The following GBF1 variants were observed in gnomAD, a reference collection of about 807,000 sequenced individuals.
The protein encoded by GBF1 is golgi brefeldin A resistant guanine nucleotide exchange factor 1, also known as Golgi-specific brefeldin A-resistance guanine nucleotide exchange factor 1.
A neutral mutation model predicts 210.5 loss-of-function variants in GBF1; 114 were observed. The ratio of observed to expected loss-of-function variants is 0.54; its 90% CI spans 0.47 to 0.63. The LOEUF (loss-of-function observed/expected upper bound fraction) is 0.63, where lower values mean the gene tolerates loss of function less well. Ranked by LOEUF, GBF1 falls within the 30% of genes least tolerant of loss-of-function variation. The pLI is 0.00. For synonymous variants in GBF1, 850 were observed against 889.2 expected, an observed-to-expected ratio of 0.96 and a Z score of 0.78; for missense variants, 1,851 against 2,357.7, an observed-to-expected ratio of 0.79 and a Z score of 4.45.
At chr10:102,367,340 C>A in intron 20 of GBF1, 130 bp downstream of exon 20, 1 of 1,192,986 alleles carries the variant, frequency 8.4e-7, no homozygotes, top group Non-Finnish European at 1.2e-6. Flanking sequence ...GCTGGCCAAC[C>A]TAGAAAAGGG....
chr10:102,360,942 T>TC (rs2059564202), intron 12 of GBF1, 80 bp from the exon 13 acceptor site: 2 of 756,328 alleles, frequency 2.6e-6, no homozygotes, highest in African/African-American at 1.8e-5. Flanking sequence ...GCCACTGCAC[T>TC]CCAGCGTGGG....
intron 3 of GBF1, among the ~76,000 whole-genome samples, chr10:102,284,571 C>T (rs1413983761): frequency 3.3e-5 from 5 of 152,108 alleles, no homozygotes; most frequent in Non-Finnish European, 7.4e-5. Context: ...TGAGGGTCAT[C>T]CATGCTGTAA....
At chr10:102,266,020 G>A (rs903430388) in intron 3 of GBF1, among the ~76,000 whole-genome samples, 3 of 152,082 alleles carry the variant, frequency 2.0e-5, no homozygotes, top group Non-Finnish European at 4.4e-5. Flanking sequence ...GGCAGATCAC[G>A]AGGTCAGGAG....
intron 17 of GBF1, among the ~76,000 whole-genome samples, chr10:102,364,217 CTTTTTTTT>C (rs1031275118): frequency 7.5e-5 from 5 of 66,948 alleles, no homozygotes; most frequent in African/African-American, 1.7e-4. Context: ...CTTTGGATTT[CTTTTTTTT>C]TTTTTTTTTT....
At chr10:102,376,861 T>C (rs756638488) in intron 32 of GBF1, 61 bp downstream of exon 32, 108 of 1,609,122 alleles carry the variant, frequency 6.7e-5, no homozygotes, top group Non-Finnish European at 9.0e-5. Context: ...GGGGAGAGGC[T>C]GAGAGGGGAG....
intron 8 of GBF1, among the ~76,000 whole-genome samples, chr10:102,357,674 C>T (rs1006710136): frequency 6.6e-6 from 1 of 152,010 alleles, no homozygotes; most frequent in Admixed American, 6.6e-5. Context: ...GCAAAGGAAA[C>T]CCTGCCCTTA....
Position 102,376,605 on chromosome 10 carries a change from C to T in GBF1, c.4093C>T (p.Pro1365Ser), listed in dbSNP as rs2060510328. The T allele has an allele frequency of 1.2e-6, 2 of 1,613,750 alleles. No individual in the cohort carries two copies. The highest frequency in any genetic ancestry group is 1.7e-6 in the Non-Finnish European group (2 of 1,179,794). ...VDNSKPGPSR[P>S]GPSPLINQYS... ...TAACTCCAAGCCAGGGCCCAGCCGC[C>T]CAGGCCCTTCACCCCTGATCAATCA... Residue 1365 changes from proline to serine, a missense_variant, in exon 32 of 40, where the codon CCA (proline) becomes TCA (serine). Physicochemically the swap from Pro to Ser is moderately conservative, Grantham distance 74 (BLOSUM62 -1). Transcript: ENST00000369983.
At chr10:102,257,494 T>G (rs1379659273) in intron 1 of GBF1, among the ~76,000 whole-genome samples, 2 of 151,872 alleles carry the variant, frequency 1.3e-5, no homozygotes, top group East Asian at 3.9e-4. Flanking sequence ...TTTTGTTTTT[T>G]TGGTAGAGAC....
intron 3 of GBF1, among the ~76,000 whole-genome samples, chr10:102,304,547 G>A (rs2077669100): frequency 6.6e-6 from 1 of 152,104 alleles, no homozygotes; most frequent in Non-Finnish European, 1.5e-5. Context: ...GCCAGGGTAG[G>A]TGGATCACTG....
At chr10:102,381,467 G>C (rs1344764332) in intron 39 of GBF1, among the ~76,000 whole-genome samples, 1 of 152,224 alleles carries the variant, frequency 6.6e-6, no homozygotes, top group Non-Finnish European at 1.5e-5. Flanking sequence ...CTTGGGAAGA[G>C]AAGGCTGGGT....
At chr10:102,318,220 T>C (rs1485144958) in intron 3 of GBF1, among the ~76,000 whole-genome samples, 3 of 151,758 alleles carry the variant, frequency 2.0e-5, no homozygotes, top group African/African-American at 7.3e-5. Context: ...TAAGATAGTG[T>C]CTCACTTTGT....
At chr10:102,245,177 G>A (rs554641667), upstream of GBF1, among the ~76,000 whole-genome samples, 25 of 152,214 alleles carry the variant, frequency 1.6e-4, no homozygotes, top group Admixed American at 2.6e-4. Flanking sequence ...AGCGGACCCC[G>A]CCCCTTTCCA....
chr10:102,340,459 G>C lies in GBF1; in HGVS notation c.164-3592G>C, dbSNP rs181678018. Among the ~76,000 whole-genome samples, 469 of 150,998 alleles carry C rather than the reference G, an allele frequency of 3.1e-3. 2 individuals are homozygous for C. The highest frequency in any genetic ancestry group is 0.011 in the African/African-American group (446 of 41,086). ...TGGCTAATTTTTTGTATTTTTAGTA[G>C]AGACGGGGTTTCACCGTGTTAGCCA... On this transcript the variant is annotated intron_variant, in intron 3 of 39. Transcript: ENST00000369983.
At chr10:102,274,369 C>G (rs1031913490) in intron 3 of GBF1, among the ~76,000 whole-genome samples, 2 of 152,068 alleles carry the variant, frequency 1.3e-5, no homozygotes, top group Admixed American at 6.6e-5. Context: ...GGCAGTGACC[C>G]TGGAAATTCT....
At chr10:102,356,674 G>A (rs2059308217) in intron 8 of GBF1, among the ~76,000 whole-genome samples, 1 of 151,570 alleles carries the variant, frequency 6.6e-6, no homozygotes, top group South Asian at 2.1e-4. Flanking sequence ...GACTGAGGCA[G>A]GAGAATGGCG....
chr10:102,328,166 T>A (rs1417426763), intron 3 of GBF1, among the ~76,000 whole-genome samples: 1 of 152,208 alleles, frequency 6.6e-6, no homozygotes, highest in Admixed American at 6.5e-5. Flanking sequence ...TTCTTGAGCC[T>A]TTTAGCATGA....
At chr10:102,280,416 A>C (rs934421539) in intron 3 of GBF1, among the ~76,000 whole-genome samples, 4 of 152,158 alleles carry the variant, frequency 2.6e-5, no homozygotes, top group Admixed American at 6.5e-5. Flanking sequence ...GGATCTGTTT[A>C]CATGGAACTG....
intron 17 of GBF1, among the ~76,000 whole-genome samples, chr10:102,364,570 C>T (rs1362375356): frequency 2.0e-5 from 3 of 150,416 alleles, no homozygotes; most frequent in Admixed American, 6.6e-5. Flanking sequence ...CCTTTCTGGC[C>T]GGGCGCAGTG....
At chr10:102,302,895 C>T (rs2133858763) in intron 3 of GBF1, among the ~76,000 whole-genome samples, 1 of 151,982 alleles carries the variant, frequency 6.6e-6, no homozygotes, top group East Asian at 1.9e-4. Context: ...GTCGTTAGTG[C>T]CAAGGTTGAG....
Sources: gnomAD v4.1 joint callset for allele counts (sites outside exome capture counted in the v4.1 genomes callset) on GRCh38, gnomAD v4.1.1 for gene constraint, MANE v1.5 for transcripts, NCBI Gene and HGNC (gene_info 2026-07-23, HGNC 2026-07-21) for gene names.